CLIC4: variants seen among roughly 807,000 people sequenced by gnomAD.
The protein encoded by CLIC4 is chloride intracellular channel protein 4.
In CLIC4, 13 loss-of-function variants were observed where a neutral mutation model predicts 24.6. That is an observed-to-expected ratio of 0.53 (90% confidence interval 0.34 to 0.84). The LOEUF (loss-of-function observed/expected upper bound fraction) is 0.84, where lower values mean the gene tolerates loss of function less well. Among genes scored for constraint, CLIC4 ranks in the 40% least tolerant of loss-of-function variants. The probability of loss-of-function intolerance (pLI) is 0.01; values close to 1 mark genes in which losing one functional copy is unlikely to be tolerated. For synonymous variants in CLIC4, 104 were observed against 111.3 expected (o/e 0.93, Z 0.41); for missense variants, 227 against 301.7 (o/e 0.75, Z 1.83).
At chr1:24,840,093 C>A in intron 5 of CLIC4, 52 bp downstream of exon 5, 1 of 1,503,620 alleles carries the variant, frequency 6.7e-7, no homozygotes, top group Non-Finnish European at 9.1e-7. Flanking sequence ...ATTGTATTTA[C>A]TAAAGTGGCA....
At chr1:24,765,082 C>CAGTA (rs1399184187) in intron 1 of CLIC4, among the ~76,000 whole-genome samples, 2 of 152,120 alleles carry the variant, frequency 1.3e-5, no homozygotes, top group East Asian at 3.8e-4. Flanking sequence ...GCCTGGGAGG[C>CAGTA]CTTTTCACTT....
intron 1 of CLIC4, among the ~76,000 whole-genome samples, chr1:24,789,328 A>G (rs1267024232): frequency 1.3e-5 from 2 of 151,896 alleles, no homozygotes; most frequent in Non-Finnish European, 2.9e-5. Context: ...GACCAGCCTG[A>G]CCAACATGGT....
At chr1:24,803,451 T>G (rs1334430691) in intron 2 of CLIC4, among the ~76,000 whole-genome samples, 1 of 152,224 alleles carries the variant, frequency 6.6e-6, no homozygotes, top group Non-Finnish European at 1.5e-5. Context: ...TGACATGTTC[T>G]CTTTGAATCT....
intron 2 of CLIC4, among the ~76,000 whole-genome samples, chr1:24,812,211 T>C (rs1639621573): frequency 6.6e-6 from 1 of 152,220 alleles, no homozygotes; most frequent in Admixed American, 6.5e-5. Context: ...GATTTTAAGC[T>C]TTTCTCACTC....
chr1:24,804,881 C>A (rs1639531345), intron 2 of CLIC4, among the ~76,000 whole-genome samples: 1 of 151,888 alleles, frequency 6.6e-6, no homozygotes, highest in Non-Finnish European at 1.5e-5. Context: ...CAGGTGATCA[C>A]TTGAGGTCAG....
intron 1 of CLIC4, among the ~76,000 whole-genome samples, chr1:24,788,523 C>T (rs1289656018): frequency 6.6e-6 from 1 of 152,100 alleles, no homozygotes; most frequent in African/African-American, 2.4e-5. Context: ...TATAGTTGTC[C>T]CTGTATCTGC....
intron 1 of CLIC4, among the ~76,000 whole-genome samples, chr1:24,766,498 TTTTTTTTTTTTTTTTTTTTTTTTG>T (rs1638998561): frequency 4.7e-5 from 4 of 84,504 alleles, no homozygotes; most frequent in African/African-American, 9.9e-5. Flanking sequence ...TTTTTTTTTT[TTTTTTTTTTTTTTTTTTTTTTTTG>T]AGACGGGGTC....
chr1:24,820,079 G>GATA (rs1639713071), intron 3 of CLIC4, among the ~76,000 whole-genome samples: 1 of 46,334 alleles, frequency 2.2e-5, no homozygotes, highest in Non-Finnish European at 4.0e-5. Context: ...ATATATATAT[G>GATA]TATATATATA....
intron 1 of CLIC4, chr1:24,771,745 T>C (rs1238850649): frequency 3.8e-5 from 15 of 396,256 alleles, no homozygotes; most frequent in Admixed American, 5.6e-5. Flanking sequence ...AGACATGTAA[T>C]TGGGGTTTTG....
chr1:24,807,844 A>G (rs779434389), intron 2 of CLIC4, among the ~76,000 whole-genome samples: 88 of 152,298 alleles, frequency 5.8e-4, no homozygotes, highest in Non-Finnish European at 4.7e-4. Context: ...TAGGCATTTA[A>G]TTGACTGTTC....
intron 1 of CLIC4, among the ~76,000 whole-genome samples, chr1:24,762,282 C>T (rs1157206437): frequency 6.6e-6 from 1 of 151,926 alleles, no homozygotes; most frequent in African/African-American, 2.4e-5. Context: ...ATCAGCTGGG[C>T]GTGATGTCAC....
At position 24,811,491 on chromosome 1, in the gene CLIC4, G is replaced by C. The variant is rs567841009; in HGVS notation, c.183-2603G>C. ...TTTGGTTTGTTGTTGTTGTTGTTTTGAGACAGGGTCTCACTCTGTTGCCCA... is the reference window on the plus strand; with the variant it reads ...TTTGGTTTGTTGTTGTTGTTGTTTTCAGACAGGGTCTCACTCTGTTGCCCA... On this transcript the variant is annotated intron_variant, in intron 2 of 5. Transcript: ENST00000374379. Among the ~76,000 whole-genome samples the C allele has an allele frequency of 7.9e-5, 12 of 151,660 alleles. No individual in the cohort carries two copies. The East Asian group carries it at 1.6e-3, about 20-fold the overall frequency.
chr1:24,811,357 G>A (rs564625504), intron 2 of CLIC4, among the ~76,000 whole-genome samples: 6 of 152,182 alleles, frequency 3.9e-5, no homozygotes, highest in Non-Finnish European at 8.8e-5. Flanking sequence ...AGTGAAAAAG[G>A]CAAATGATGC....
intron 2 of CLIC4, among the ~76,000 whole-genome samples, chr1:24,800,342 G>A (rs1184701374): frequency 7.8e-6 from 1 of 128,642 alleles, no homozygotes; most frequent in African/African-American, 3.0e-5. Flanking sequence ...CGGGAGGGAG[G>A]TGGGGGGGTC....
intron 1 of CLIC4, among the ~76,000 whole-genome samples, chr1:24,752,103 T>C (rs1638784077): frequency 6.6e-6 from 1 of 152,180 alleles, no homozygotes; most frequent in Non-Finnish European, 1.5e-5. Context: ...GTGCTTGGAC[T>C]CTGGAGCCAC....
At chr1:24,827,363 G>A (rs1639797124) in intron 4 of CLIC4, among the ~76,000 whole-genome samples, 1 of 152,186 alleles carries the variant, frequency 6.6e-6, no homozygotes, top group Non-Finnish European at 1.5e-5. Context: ...CTTCTTGAAT[G>A]AAGTTTATTT....
intron 3 of CLIC4, among the ~76,000 whole-genome samples, chr1:24,820,065 A>ATGTG (rs1211489774): frequency 0.027 from 621 of 22,848 alleles, 37 homozygotes; most frequent in East Asian, 0.15. Context: ...AAAAAAAAGT[A>ATGTG]TGTATATATA....
chr1:24,798,415 C>T (rs1639429258), intron 2 of CLIC4, among the ~76,000 whole-genome samples: 1 of 152,094 alleles, frequency 6.6e-6, no homozygotes, highest in African/African-American at 2.4e-5. Context: ...TCTGTTCTTG[C>T]TAAGTGAAGA....
At chr1:24,771,750 G>T (rs1571235972) in intron 1 of CLIC4, 2 of 401,000 alleles carry the variant, frequency 5.0e-6, no homozygotes, top group East Asian at 1.4e-4. Flanking sequence ...TGTAATTGGG[G>T]TTTTGTAACT....
Sources: allele counts gnomAD v4.1 joint callset (sites outside exome capture counted in the v4.1 genomes callset), GRCh38; gene constraint gnomAD v4.1.1; transcripts MANE v1.5; gene names NCBI Gene and HGNC (gene_info 2026-07-23, HGNC 2026-07-21).